The following ARMC2 variants were observed in gnomAD, a reference collection of about 807,000 sequenced individuals.
ARMC2 encodes the protein armadillo repeat containing 2, also known as armadillo repeat-containing protein 2.
A neutral mutation model predicts 90.3 loss-of-function variants in ARMC2; 67 were observed. The ratio of observed to expected loss-of-function variants is 0.74; its 90% CI spans 0.61 to 0.91. The LOEUF (loss-of-function observed/expected upper bound fraction) is 0.91. Among genes scored for constraint, ARMC2 ranks in the 40% least tolerant of loss-of-function variants. The probability of loss-of-function intolerance (pLI) is 0.00; values close to 1 mark genes in which losing one functional copy is unlikely to be tolerated. For synonymous variants in ARMC2, 393 were observed against 393.0 expected, an observed-to-expected ratio of 1.00 and a Z score of 0.00; for missense variants, 920 against 1,030.9, an observed-to-expected ratio of 0.89 and a Z score of 1.47.
At position 108,870,581 on chromosome 6, in the gene ARMC2, A is replaced by AAAGGAAAGAAAAAAGGAAAG. The variant is rs938206311; in HGVS notation, c.463+1600_463+1619dup. Reference sequence around the variant, plus strand: ...AGAGGGAAGGAGAGAGGGAAGGAGGAAAGGAAAGAAAAAAGGAAAGAAGGA... The same window carrying AAAGGAAAGAAAAAAGGAAAG: ...AGAGGGAAGGAGAGAGGGAAGGAGGAAAGGAAAGAAAAAAGGAAAGAAGGAAAGAAAAAAGGAAAGAAGGA... On this transcript the variant is annotated intron_variant, in intron 4 of 17. Coordinates refer to ENST00000392644, the MANE Select transcript of ARMC2 (RefSeq NM_032131.6). 3.3e-5 allele frequency among the ~76,000 whole-genome samples: 5 copies of AAAGGAAAGAAAAAAGGAAAG among 151,554 alleles called. No homozygotes were observed. The South Asian group carries it at 1.0e-3, about 32-fold the overall frequency.
At chr6:109,017,889 G>C in the ARMC2 span, among the ~76,000 whole-genome samples, 1 of 152,118 alleles carries the variant, frequency 6.6e-6, no homozygotes. Context: ...TTCCTGGCGA[G>C]GCACAGTGGC....
the ARMC2 span, among the ~76,000 whole-genome samples, chr6:108,980,071 A>G: frequency 1.3e-5 from 2 of 151,944 alleles, no homozygotes; most frequent in African/African-American, 2.4e-5. Flanking sequence ...GAGAAGAGGC[A>G]TTCTTGTTTT....
the ARMC2 span, among the ~76,000 whole-genome samples, chr6:109,001,712 T>C: frequency 8.1e-3 from 1,234 of 152,268 alleles, 9 homozygotes; most frequent in Non-Finnish European, 0.011. Flanking sequence ...TTAAAGGCCA[T>C]CTAGATAGGC....
chr6:108,991,073 A>C, the ARMC2 span, among the ~76,000 whole-genome samples: 80,594 of 150,030 alleles, frequency 0.54, 24,752 homozygotes, highest in East Asian at 0.87. Flanking sequence ...TCTCAAAAAA[A>C]AACAACAACA....
chr6:108,896,797 G>A (rs2128459051), intron 6 of ARMC2, among the ~76,000 whole-genome samples: 1 of 152,288 alleles, frequency 6.6e-6, no homozygotes, highest in African/African-American at 2.4e-5. Context: ...TCTCTATTAA[G>A]CAGCATATTG....
intron 7 of ARMC2, among the ~76,000 whole-genome samples, chr6:108,901,735 CA>C (rs1166811584): frequency 1.3e-5 from 2 of 152,080 alleles, no homozygotes; most frequent in Admixed American, 1.3e-4. Context: ...TTCTTAGAAA[CA>C]AAAACATTCT....
In ARMC2 at chr6:108,915,573, C is replaced by A. The variant is rs145333638; in HGVS notation, c.1350+3015C>A. Among the ~76,000 whole-genome samples, 1,467 of 152,186 alleles carry A rather than the reference C, an allele frequency of 9.6e-3. 18 individuals carry two copies. The highest frequency in any genetic ancestry group is 0.031 in the African/African-American group (1,292 of 41,498). On this transcript the variant is annotated intron_variant, in intron 10 of 17. Transcript: ENST00000392644. ...TCATTGAAAGAGTGGAAAACATCTT[C>A]CAAAGCTGGACCCTGAAGATTGTGC... is the stretch of plus-strand genomic sequence containing the variant.
intron 5 of ARMC2, among the ~76,000 whole-genome samples, chr6:108,880,413 C>CT (rs1562345357): frequency 6.6e-6 from 1 of 152,188 alleles, no homozygotes; most frequent in African/African-American, 2.4e-5. Context: ...CTTCATGGGA[C>CT]TTTCACCAAG....
intron 5 of ARMC2, among the ~76,000 whole-genome samples, chr6:108,879,737 C>T (rs1777334141): frequency 1.3e-5 from 2 of 152,062 alleles, no homozygotes; most frequent in Admixed American, 1.3e-4. Flanking sequence ...GAGGAAAGCC[C>T]AAGAACAGCC....
chr6:109,042,442 A>G, the ARMC2 span, among the ~76,000 whole-genome samples: 1 of 151,874 alleles, frequency 6.6e-6, no homozygotes, highest in East Asian at 1.9e-4. Flanking sequence ...AGAAAAAAAA[A>G]TTGAAAAACC....
chr6:108,864,566 A>G lies in ARMC2; in HGVS notation c.292-4258A>G, dbSNP rs115023436. ...CTGGCGGCTTGCGAGAATGTTTAAT[A>G]TTTGCTTTCTGACTTTCAAGGTGTC... On this transcript the variant is annotated intron_variant, in intron 3 of 17. Coordinates refer to ENST00000392644, the MANE Select transcript of ARMC2 (RefSeq NM_032131.6). Among the ~76,000 whole-genome samples, 371 of 151,860 alleles carry G rather than the reference A, an allele frequency of 2.4e-3. 1 individual carries two copies. Among genetic ancestry groups the G allele is most frequent in the African/African-American group, 8.6e-3 (355 of 41,418 alleles).
At chr6:108,863,348 G>A (rs1036194499) in intron 3 of ARMC2, among the ~76,000 whole-genome samples, 3 of 152,166 alleles carry the variant, frequency 2.0e-5, no homozygotes, top group Non-Finnish European at 4.4e-5. Flanking sequence ...CTCCTAGAGT[G>A]CTGGGACTAC....
chr6:108,862,980 C>T (rs549878175), intron 3 of ARMC2, among the ~76,000 whole-genome samples: 7 of 152,284 alleles, frequency 4.6e-5, no homozygotes, highest in African/African-American at 1.7e-4. Context: ...CACTCACCCT[C>T]CAGCGGGCAA....
Position 108,963,863 on chromosome 6 carries a change from A to C in ARMC2, c.2153-317A>C, listed in dbSNP as rs1328728373. 2.6e-5 allele frequency among the ~76,000 whole-genome samples: 4 copies of C among 152,200 alleles called. No individual in the cohort carries two copies. In the South Asian group the frequency reaches 6.2e-4, roughly 24 times the overall value. On this transcript the variant is annotated intron_variant, in intron 15 of 17. Transcript: ENST00000392644. ...AGGTTTAGGAACACCCTTGAGAATA[A>C]CTGGAAGTTAGATGAGTGTCACCTG...
the ARMC2 span, chr6:108,990,577 G>A: frequency 8.0e-6 from 11 of 1,381,556 alleles, no homozygotes; most frequent in African/African-American, 4.3e-5. Context: ...GTGCATGTGC[G>A]CTCCAAGCAC....
the ARMC2 span, among the ~76,000 whole-genome samples, chr6:108,994,804 G>A: frequency 8.5e-4 from 124 of 146,704 alleles, no homozygotes; most frequent in Middle Eastern, 3.6e-3. Context: ...CCAGGTTCAC[G>A]CCATTCTCCT....
chr6:108,920,341 C>G (rs866548265), intron 10 of ARMC2, among the ~76,000 whole-genome samples: 1 of 152,068 alleles, frequency 6.6e-6, no homozygotes, highest in African/African-American at 2.4e-5. Context: ...AGGCACGTGC[C>G]GCCACTTTTT....
At chr6:108,885,445 A>G (rs1012626109) in intron 5 of ARMC2, among the ~76,000 whole-genome samples, 8 of 152,244 alleles carry the variant, frequency 5.3e-5, no homozygotes, top group Non-Finnish European at 1.0e-4. Context: ...GGTAACTCAC[A>G]CCTGTGATCT....
the ARMC2 span, among the ~76,000 whole-genome samples, chr6:108,995,131 G>T: frequency 6.6e-5 from 10 of 152,280 alleles, no homozygotes; most frequent in South Asian, 2.1e-3. Context: ...GGAAAAAAAT[G>T]ATTTTAAGAA....
Sources: allele counts gnomAD v4.1 joint callset (sites outside exome capture counted in the v4.1 genomes callset), GRCh38; gene constraint gnomAD v4.1.1; transcripts MANE v1.5; gene names NCBI Gene and HGNC (gene_info 2026-07-23, HGNC 2026-07-21).